Variants in CREB3L2 observed in about 807,000 individuals in gnomAD.
CREB3L2 encodes the protein cyclic AMP-responsive element-binding protein 3-like protein 2.
Under a neutral mutation model 57.2 loss-of-function variants are expected in CREB3L2, and 23 were observed. The ratio of observed to expected loss-of-function variants is 0.40; its 90% CI spans 0.29 to 0.57. The LOEUF (loss-of-function observed/expected upper bound fraction) is 0.57, where lower values mean the gene tolerates loss of function less well. Among genes scored for constraint, CREB3L2 ranks in the 20% least tolerant of loss-of-function variants. CREB3L2 has a pLI of 0.42. For missense variants in CREB3L2, 628 were observed against 634.7 expected (o/e 0.99, Z 0.11); for synonymous variants, 268 against 265.1 (o/e 1.01, Z -0.11).
intron 1 of CREB3L2, among the ~76,000 whole-genome samples, chr7:137,960,361 T>C (rs545965890): frequency 6.6e-6 from 1 of 152,228 alleles, no homozygotes; most frequent in East Asian, 1.9e-4. Flanking sequence ...ACAGTGACTA[T>C]AAGTAAATGC....
intron 5 of CREB3L2, among the ~76,000 whole-genome samples, chr7:137,906,752 T>G (rs916617116): frequency 2.6e-5 from 4 of 151,988 alleles, no homozygotes; most frequent in African/African-American, 9.7e-5. Context: ...TTTGTGAGAG[T>G]GAATGAATCT....
chr7:137,934,485 G>T (rs1800735890), intron 1 of CREB3L2, among the ~76,000 whole-genome samples: 3 of 152,184 alleles, frequency 2.0e-5, no homozygotes, highest in Non-Finnish European at 2.9e-5. Flanking sequence ...AGGATAATTA[G>T]CTATTTTGCC....
chr7:137,987,780 C>CT (rs1349331534), intron 1 of CREB3L2, among the ~76,000 whole-genome samples: 1 of 152,220 alleles, frequency 6.6e-6, no homozygotes, highest in African/African-American at 2.4e-5. Context: ...ACCTCCTGGG[C>CT]TCAGGCGATC....
chr7:137,940,577 C>T (rs1197559238), intron 1 of CREB3L2, among the ~76,000 whole-genome samples: 1 of 152,160 alleles, frequency 6.6e-6, no homozygotes, highest in Non-Finnish European at 1.5e-5. Flanking sequence ...AAACGGTGAC[C>T]AGACATAAAG....
At chr7:137,915,789 C>T in intron 3 of CREB3L2, 48 bp downstream of exon 3, 1 of 1,522,866 alleles carries the variant, frequency 6.6e-7, no homozygotes, top group South Asian at 1.2e-5. Flanking sequence ...GAGGATCTAT[C>T]TGTATCTTTT....
chr7:137,886,053 G>A (rs1162711686), intron 8 of CREB3L2, among the ~76,000 whole-genome samples: 2 of 152,184 alleles, frequency 1.3e-5, no homozygotes, highest in Non-Finnish European at 2.9e-5. Context: ...TTGTGAACCA[G>A]AAAGCAGGCC....
intron 1 of CREB3L2, among the ~76,000 whole-genome samples, chr7:137,938,019 G>A (rs273984): frequency 1.3e-5 from 2 of 151,832 alleles, no homozygotes; most frequent in Non-Finnish European, 2.9e-5. Flanking sequence ...AGTCACCCTG[G>A]GAGAAGGAGG....
At chr7:137,974,983 T>C (rs1045922044) in intron 1 of CREB3L2, among the ~76,000 whole-genome samples, 9 of 152,156 alleles carry the variant, frequency 5.9e-5, no homozygotes, top group Non-Finnish European at 8.8e-5. Flanking sequence ...AACTGGAGTG[T>C]TGCCCAAGAG....
intron 1 of CREB3L2, among the ~76,000 whole-genome samples, chr7:137,959,472 C>A (rs758376417): frequency 1.3e-5 from 2 of 152,218 alleles, no homozygotes; most frequent in African/African-American, 2.4e-5. Context: ...GTGAACCCAG[C>A]TGAAACCAGC....
At chr7:137,934,849 T>C (rs1308181752) in intron 1 of CREB3L2, among the ~76,000 whole-genome samples, 1 of 152,254 alleles carries the variant, frequency 6.6e-6, no homozygotes, top group Admixed American at 6.5e-5. Flanking sequence ...ATTGAACCCC[T>C]GCCTCACAAC....
chr7:137,951,822 A>G (rs1165697917), intron 1 of CREB3L2, among the ~76,000 whole-genome samples: 1 of 152,122 alleles, frequency 6.6e-6, no homozygotes, highest in African/African-American at 2.4e-5. Flanking sequence ...CTCTGTCTCT[A>G]CCAAAAAAAA....
At chr7:137,979,797 C>T (rs1198380930) in intron 1 of CREB3L2, among the ~76,000 whole-genome samples, 1 of 152,164 alleles carries the variant, frequency 6.6e-6, no homozygotes, top group East Asian at 1.9e-4. Flanking sequence ...CAATCTCTGG[C>T]CTTGAGACAT....
chr7:137,888,697 G>T lies in CREB3L2; in HGVS notation c.1044-3195C>A, dbSNP rs1799475825. 1.3e-5 allele frequency among the ~76,000 whole-genome samples: 2 copies of T among 152,052 alleles called. 1 individual carries two copies. The highest frequency in any genetic ancestry group is 2.9e-5 in the Non-Finnish European group (2 of 67,968). The stretch of plus-strand genomic sequence containing the variant: ...TATTGCCAACCACTCTCTATGGTAG[G>T]AATGGGTCTCTCCTTCCTGCTAAGC... On this transcript the variant is annotated intron_variant, in intron 8 of 11. Transcript: ENST00000330387.
At chr7:137,934,987 G>A (rs1267307939) in intron 1 of CREB3L2, among the ~76,000 whole-genome samples, 1 of 152,136 alleles carries the variant, frequency 6.6e-6, no homozygotes, top group Non-Finnish European at 1.5e-5. Flanking sequence ...ATAAAGTTTT[G>A]TCTCCCTTTA....
chr7:137,969,383 G>A (rs1285957547), intron 1 of CREB3L2, among the ~76,000 whole-genome samples: 12 of 124,248 alleles, frequency 9.7e-5, no homozygotes, highest in Admixed American at 2.1e-4. Context: ...GTCTCATGCC[G>A]TCGCCCAGGC....
chr7:137,970,576 C>T (rs1176954369), intron 1 of CREB3L2, among the ~76,000 whole-genome samples: 1 of 115,498 alleles, frequency 8.7e-6, no homozygotes, highest in African/African-American at 3.4e-5. Context: ...TTCGATAAGC[C>T]GGACAGTTCA....
intron 8 of CREB3L2, among the ~76,000 whole-genome samples, chr7:137,896,205 G>A (rs1435446328): frequency 1.3e-5 from 2 of 152,252 alleles, no homozygotes; most frequent in Non-Finnish European, 2.9e-5. Context: ...AGGGGGAAGA[G>A]CAGTTAGAGG....
At chr7:137,912,016 CT>C (rs1229859102) in intron 4 of CREB3L2, among the ~76,000 whole-genome samples, 2 of 152,010 alleles carry the variant, frequency 1.3e-5, no homozygotes, top group Admixed American at 6.6e-5. Flanking sequence ...TAACTATGGG[CT>C]TCATAGGAGA....
At chr7:137,983,735 C>T (rs1000773368) in intron 1 of CREB3L2, among the ~76,000 whole-genome samples, 1 of 152,218 alleles carries the variant, frequency 6.6e-6, no homozygotes, top group Non-Finnish European at 1.5e-5. Flanking sequence ...CTTTACCTCT[C>T]CCCTGTGGTT....
Sources: allele counts gnomAD v4.1 joint callset (sites outside exome capture counted in the v4.1 genomes callset), GRCh38; gene constraint gnomAD v4.1.1; transcripts MANE v1.5; gene names NCBI Gene and HGNC (gene_info 2026-07-23, HGNC 2026-07-21).